MPP4: variants seen among roughly 807,000 people sequenced by gnomAD.
MPP4 encodes the protein MAGUK p55 scaffold protein 4.
MPP4 carries 91 observed loss-of-function variants against 98.3 expected under a neutral mutation model. The observed-to-expected ratio is 0.93, with a 90% CI of 0.78 to 1.10. MPP4 has a LOEUF of 1.10. Ranked by LOEUF, MPP4 falls within the 50% of genes least tolerant of loss-of-function variation. The probability of loss-of-function intolerance (pLI) is 0.00; values close to 1 mark genes in which losing one functional copy is unlikely to be tolerated. For synonymous variants in MPP4, 261 were observed against 271.8 expected (o/e 0.96, Z 0.39); for missense variants, 744 against 792.9 (o/e 0.94, Z 0.74).
At chr2:201,647,005 T>C (rs1482175626) in intron 21 of MPP4, among the ~76,000 whole-genome samples, 1 of 152,202 alleles carries the variant, frequency 6.6e-6, no homozygotes, top group East Asian at 1.9e-4. Flanking sequence ...TGGGTGATGG[T>C]TATCTGGGTG....
At chr2:201,651,232 A>C (rs1450748920) in intron 18 of MPP4, 10 of 985,358 alleles carry the variant, frequency 1.0e-5, no homozygotes, top group Non-Finnish European at 1.2e-5. Context: ...GCCTTAAATT[A>C]TCAAAGGAGT....
intron 18 of MPP4, among the ~76,000 whole-genome samples, chr2:201,653,151 G>T (rs1687762181): frequency 6.6e-6 from 1 of 152,074 alleles, no homozygotes; most frequent in Non-Finnish European, 1.5e-5. Flanking sequence ...GCCCAGATCT[G>T]GTCCTTGGGG....
At chr2:201,650,890 A>G in intron 18 of MPP4, 1 of 985,416 alleles carries the variant, frequency 1.0e-6, no homozygotes, top group Admixed American at 6.1e-5. Context: ...AGACTCTTCA[A>G]CTTAAATAGT....
Position 201,686,065 on chromosome 2 carries a change from G to A in MPP4, c.361-15C>T, listed in dbSNP as rs1398517319. 6.2e-7 allele frequency: 1 copy of A among 1,608,932 alleles called. No individual in the cohort carries two copies. Among genetic ancestry groups the A allele is most frequent in the Non-Finnish European group, 8.5e-7 (1 of 1,176,276 alleles). ...CTGAGCAAGGCCTGGGCACAGGGAA[G>A]GAAAAGGTGAGCAAATGTCACACAT... On this transcript the variant is annotated splice_polypyrimidine_tract_variant and intron_variant, in intron 5 of 21. Transcript: ENST00000409474.
chr2:201,682,948 A>T, intron 7 of MPP4, 32 bp from the exon 8 acceptor site: 8 of 1,574,866 alleles, frequency 5.1e-6, no homozygotes, highest in Non-Finnish European at 7.0e-6. Context: ...ACAAAGAAAG[A>T]TACAAAGAAG....
Position 201,693,924 on chromosome 2 carries a change from G to C in MPP4, c.31C>G (p.Pro11Ala). Residue 11 changes from proline to alanine, a missense_variant, in exon 2 of 22, where the codon CCA becomes GCA. Coordinates refer to ENST00000409474, the MANE Select transcript of MPP4 (RefSeq NM_033066.3). The stretch of plus-strand genomic sequence containing the variant: ...GAAAGCTTCATGTCCTTCTTGTCTG[G>C]TGGATCTGCTCCTTTGTCTGACTGT... MIQSDKGADPPDKKDMKLSTA... is the reference protein window; with the variant it reads MIQSDKGADPADKKDMKLSTA... 6.2e-7 allele frequency: 1 copy of C among 1,613,982 alleles called. No individual in the cohort carries two copies. The highest frequency in any genetic ancestry group is 1.7e-5 in the Admixed American group (1 of 60,016).
chr2:201,645,169 C>A lies in MPP4; in HGVS notation c.*41G>T. On this transcript the variant is annotated 3_prime_UTR_variant, in exon 22 of 22. Transcript: ENST00000409474. ...AGATTGCAACTATGGATCGCTGTAT[C>A]AAGGGTACAGTGTTAAAACTCCAGC... The A allele has an allele frequency of 6.5e-7, 1 of 1,531,884 alleles. No homozygotes were observed. Among genetic ancestry groups the A allele is most frequent in the Non-Finnish European group, 8.8e-7 (1 of 1,129,948 alleles). 94.9% of individuals were successfully genotyped at this position (1,531,884 alleles called of 1,614,324 possible). A position where few individuals can be genotyped will look rare whatever the true frequency, so the allele number is the denominator to read the frequency against.
At chr2:201,674,382 G>T (rs1688439698) in intron 11 of MPP4, among the ~76,000 whole-genome samples, 1 of 152,230 alleles carries the variant, frequency 6.6e-6, no homozygotes, top group Admixed American at 6.5e-5. Context: ...TAGGACTTCA[G>T]ATGGCTGGCT....
Position 201,649,122 on chromosome 2 carries a change from C to G in MPP4, c.1584+454G>C, listed in dbSNP as rs569199462. ...CACACACACACACACGAAGAAAATA[C>G]AAAGTTCATAAAAATTGGGCCTACG... On this transcript the variant is annotated intron_variant, in intron 20 of 21. Coordinates refer to ENST00000409474, the MANE Select transcript of MPP4 (RefSeq NM_033066.3). Among the ~76,000 whole-genome samples the G allele has an allele frequency of 6.1e-4, 93 of 151,990 alleles. 1 individual carries two copies. The highest frequency in any genetic ancestry group is 2.2e-3 in the African/African-American group (92 of 41,474).
At chr2:201,680,737 C>T (rs1440809132) in intron 10 of MPP4, 101 bp downstream of exon 10, 20 of 1,047,050 alleles carry the variant, frequency 1.9e-5, no homozygotes, top group Non-Finnish European at 2.6e-5. Flanking sequence ...CATTCATCTG[C>T]TTGTCCCTCT....
At chr2:201,693,830 G>T in intron 2 of MPP4, 46 bp downstream of exon 2, 2 of 1,596,460 alleles carry the variant, frequency 1.3e-6, no homozygotes, top group Non-Finnish European at 1.7e-6. Context: ...CATGTCAGAG[G>T]TGATATTACT....
At chr2:201,698,057 T>G in intron 1 of MPP4, 1 of 986,472 alleles carries the variant, frequency 1.0e-6, no homozygotes, top group African/African-American at 1.7e-5. Flanking sequence ...AATTCCGGAC[T>G]GAGTACACAG....
intron 8 of MPP4, among the ~76,000 whole-genome samples, 193 bp from the exon 9 acceptor site, chr2:201,681,760 C>T (rs999039614): frequency 6.6e-6 from 1 of 152,108 alleles, no homozygotes; most frequent in African/African-American, 2.4e-5. Context: ...ATCTGCCCTG[C>T]TGTGTGGTTC....
At chr2:201,658,440 G>A in intron 16 of MPP4, 37 bp downstream of exon 16, 1 of 1,585,316 alleles carries the variant, frequency 6.3e-7, no homozygotes, top group Non-Finnish European at 8.6e-7. Flanking sequence ...AATTTAACAA[G>A]TGACAGAGAC....
intron 10 of MPP4, among the ~76,000 whole-genome samples, chr2:201,678,023 T>C (rs896329663): frequency 1.4e-4 from 21 of 152,132 alleles, no homozygotes; most frequent in Admixed American, 1.4e-3. Context: ...CATTATTCTG[T>C]CCCCAACAAG....
chr2:201,666,449 G>GAGCCACCATGCCTGGCC, intron 12 of MPP4, 77 bp from the exon 13 acceptor site: 1 of 1,190,998 alleles, frequency 8.4e-7, no homozygotes, highest in Non-Finnish European at 1.2e-6. Context: ...GGCCAGGCAT[G>GAGCCACCATGCCTGGCC]GTGGCTCATG....
At chr2:201,681,822 C>T (rs1396767231) in intron 8 of MPP4, among the ~76,000 whole-genome samples, 2 of 149,356 alleles carry the variant, frequency 1.3e-5, no homozygotes, top group Non-Finnish European at 1.5e-5. Context: ...TTCCAGGGAC[C>T]CCCCCCCACC....
In MPP4 at chr2:201,645,112, A is replaced by C; in HGVS notation, c.*98T>G. ...TAAATTGCTGCACTTTTAAAGTTGTACACATTAAAATGGGTCAAATACTGT... is the reference window on the plus strand; with the variant it reads ...TAAATTGCTGCACTTTTAAAGTTGTCCACATTAAAATGGGTCAAATACTGT... On this transcript the variant is annotated 3_prime_UTR_variant, in exon 22 of 22. Coordinates refer to ENST00000409474, the MANE Select transcript of MPP4 (RefSeq NM_033066.3). The C allele has an allele frequency of 9.8e-7, 1 of 1,024,144 alleles. No homozygotes were observed. The highest frequency in any genetic ancestry group is 1.3e-6 in the Non-Finnish European group (1 of 751,322). The allele number at this position is 1,024,144 out of a possible 1,614,324, so 63.4% of individuals were successfully genotyped here.
At position 201,684,883 on chromosome 2, in the gene MPP4, G is replaced by T. The variant is rs539959785; in HGVS notation, c.574+181C>A. Among the ~76,000 whole-genome samples, 11 of 150,738 alleles carry T rather than the reference G, an allele frequency of 7.3e-5. No individual in the cohort carries two copies. In the South Asian group the frequency reaches 2.3e-3, roughly 32 times the overall value. Reference sequence around the variant, plus strand: ...GAGAATGGCAAACCCCAGAGGTGGAGCTTGCAGTGAGCCGAGATCACGCCA... The same window carrying T: ...GAGAATGGCAAACCCCAGAGGTGGATCTTGCAGTGAGCCGAGATCACGCCA... On this transcript the variant is annotated intron_variant, in intron 7 of 21. Coordinates refer to ENST00000409474, the MANE Select transcript of MPP4 (RefSeq NM_033066.3).
Sources: gnomAD v4.1 joint callset for allele counts (sites outside exome capture counted in the v4.1 genomes callset) on GRCh38, gnomAD v4.1.1 for gene constraint, MANE v1.5 for transcripts, NCBI Gene and HGNC (gene_info 2026-07-23, HGNC 2026-07-21) for gene names.